TNRC6B: variants seen among roughly 807,000 people sequenced by gnomAD.
TNRC6B encodes the protein trinucleotide repeat-containing gene 6B protein.
In TNRC6B, 52 loss-of-function variants were observed where a neutral mutation model predicts 203.6. That is an observed-to-expected ratio of 0.26 (90% CI 0.20 to 0.32). TNRC6B has a LOEUF of 0.32. Ranked by LOEUF, TNRC6B falls within the 10% of genes least tolerant of loss-of-function variation. The pLI, the probability that TNRC6B is intolerant of heterozygous loss-of-function variation, is 1.00. For synonymous variants in TNRC6B, 838 were observed against 845.7 expected (o/e 0.99, Z 0.16); for missense variants, 1,923 against 2,286.2 (o/e 0.84, Z 3.24).
chr22:40,322,784 G>C, intron 22 of TNRC6B, 70 bp from the exon 23 acceptor site: 2 of 1,570,986 alleles, frequency 1.3e-6, no homozygotes, highest in Non-Finnish European at 1.7e-6. Flanking sequence ...GTCAAGGACT[G>C]CAGTCGCTCC....
chr22:40,080,689 C>A (rs60850936), intron 1 of TNRC6B, among the ~76,000 whole-genome samples: 6,693 of 152,184 alleles, frequency 0.044, 443 homozygotes, highest in African/African-American at 0.14. Flanking sequence ...CTTGCCTGCC[C>A]TCTTATCCTC....
Position 40,249,682 on chromosome 22 carries a change from G to A in TNRC6B, c.94-1497G>A, listed in dbSNP as rs555614789. ...TCCTGTATAACTGATCTTCAAAATG[G>A]CATTCTAAGAAATAGTTACAATGAT... is the stretch of plus-strand genomic sequence containing the variant. On this transcript the variant is annotated intron_variant, in intron 2 of 22. Transcript: ENST00000454349. Among the ~76,000 whole-genome samples the A allele has an allele frequency of 2.6e-5, 4 of 152,286 alleles. No individual in the cohort carries two copies. The South Asian group carries it at 8.3e-4, about 32-fold the overall frequency.
At chr22:40,105,036 A>T (rs1020745615) in intron 1 of TNRC6B, among the ~76,000 whole-genome samples, 1 of 152,196 alleles carries the variant, frequency 6.6e-6, no homozygotes, top group Non-Finnish European at 1.5e-5. Context: ...ATATGTCTAC[A>T]TGGTTTTCTA....
intron 1 of TNRC6B, among the ~76,000 whole-genome samples, chr22:40,187,971 G>C (rs1466693522): frequency 6.6e-6 from 1 of 152,176 alleles, no homozygotes; most frequent in Non-Finnish European, 1.5e-5. Flanking sequence ...TGTAGTCCCA[G>C]CACTTTGGGA....
chr22:40,136,113 T>G (rs1568994170), intron 3 of TNRC6B, among the ~76,000 whole-genome samples: 1 of 152,170 alleles, frequency 6.6e-6, no homozygotes, highest in Non-Finnish European at 1.5e-5. Context: ...CCTGATGTAA[T>G]CTTTCTTTAT....
chr22:40,118,870 C>G (rs1234538092), intron 2 of TNRC6B, among the ~76,000 whole-genome samples: 3 of 152,144 alleles, frequency 2.0e-5, no homozygotes, highest in Admixed American at 2.0e-4. Flanking sequence ...GGAAATAGTT[C>G]ATAAAAGCTG....
At chr22:40,170,847 A>G (rs1233212313) in intron 4 of TNRC6B, among the ~76,000 whole-genome samples, 10 of 96,888 alleles carry the variant, frequency 1.0e-4, no homozygotes, top group Non-Finnish European at 1.8e-4. Context: ...ATGTACATAT[A>G]TGTGTGTATA....
At chr22:40,214,454 A>T (rs1413938158) in intron 1 of TNRC6B, among the ~76,000 whole-genome samples, 1 of 151,976 alleles carries the variant, frequency 6.6e-6, no homozygotes, top group African/African-American at 2.4e-5. Flanking sequence ...CTTCGTTGGG[A>T]TATTATAGTT....
At chr22:40,200,568 G>A (rs1421092288) in intron 1 of TNRC6B, among the ~76,000 whole-genome samples, 1 of 151,916 alleles carries the variant, frequency 6.6e-6, no homozygotes, top group Non-Finnish European at 1.5e-5. Context: ...GATTACAGGC[G>A]TGAGCCACCG....
chr22:40,250,719 C>T (rs73165077), intron 2 of TNRC6B, among the ~76,000 whole-genome samples: 5 of 152,252 alleles, frequency 3.3e-5, no homozygotes, highest in South Asian at 4.1e-4. Context: ...ATCCTGCTTT[C>T]CGACCATGAC....
At chr22:40,050,949 C>T (rs542053431) in intron 1 of TNRC6B, among the ~76,000 whole-genome samples, 278 of 151,822 alleles carry the variant, frequency 1.8e-3, no homozygotes, top group African/African-American at 6.4e-3. Context: ...CTCAGCCTCT[C>T]GAGTAGCTAG....
In TNRC6B at chr22:40,245,535, A is replaced by G. The variant is rs576593175; in HGVS notation, c.6-480A>G. The stretch of plus-strand genomic sequence containing the variant: ...AGAGAAAAAATTTAGAATACAGAAC[A>G]TAGAGCTTTATGTTCACCACTCTGA... On this transcript the variant is annotated intron_variant, in intron 1 of 22. Transcript: ENST00000454349. 3.0e-4 allele frequency among the ~76,000 whole-genome samples: 46 copies of G among 152,258 alleles called. No homozygotes were observed. In the South Asian group the frequency reaches 9.5e-3, roughly 32 times the overall value.
Position 40,231,998 on chromosome 22 carries a change from T to C in TNRC6B, c.6-14017T>C, listed in dbSNP as rs529683191. Among the ~76,000 whole-genome samples the C allele has an allele frequency of 5.3e-5, 8 of 152,258 alleles. No individual in the cohort carries two copies. In the South Asian group the frequency reaches 1.7e-3, roughly 32 times the overall value. On this transcript the variant is annotated intron_variant, in intron 1 of 22. Coordinates refer to ENST00000454349, the MANE Select transcript of TNRC6B (RefSeq NM_001162501.2). ...CTACAGGGAATGGGATTCTGGAAAA[T>C]ATAGTTCCAGGCCATTTCCTGAAGT... is the stretch of plus-strand genomic sequence containing the variant.
chr22:40,254,525 C>G (rs1250987736), intron 3 of TNRC6B, among the ~76,000 whole-genome samples: 2 of 151,820 alleles, frequency 1.3e-5, no homozygotes, highest in Admixed American at 1.3e-4. Context: ...GTCTCAAAAA[C>G]AAAACAAAAA....
In TNRC6B at chr22:40,326,377, CAT is replaced by C. The variant is rs1011646942; in HGVS notation, c.*3138_*3139del. On this transcript the variant is annotated 3_prime_UTR_variant, in exon 23 of 23. Coordinates refer to ENST00000454349, the MANE Select transcript of TNRC6B (RefSeq NM_001162501.2). Reference sequence around the variant, plus strand: ...ACTGGGGATCACACATTTTAAAACACATAGAAATATTTTTTAAAAATTATCAA... The same window carrying C: ...ACTGGGGATCACACATTTTAAAACACAGAAATATTTTTTAAAAATTATCAA... 6.6e-6 allele frequency: 1 copy of C among 152,548 alleles called. No individual in the cohort carries two copies. The highest frequency in any genetic ancestry group is 2.4e-5 in the African/African-American group (1 of 41,440). The allele number at this position is 152,548 out of a possible 1,614,324, so 9.4% of individuals were successfully genotyped here.
At chr22:40,316,039 A>G (rs2146570448) in intron 21 of TNRC6B, 27 bp downstream of exon 21, 2 of 1,599,568 alleles carry the variant, frequency 1.3e-6, no homozygotes, top group Non-Finnish European at 1.7e-6. Flanking sequence ...GCAGTTTTCT[A>G]GATAGGACTT....
At chr22:40,262,420 C>T (rs1235190196) in intron 4 of TNRC6B, among the ~76,000 whole-genome samples, 2 of 152,096 alleles carry the variant, frequency 1.3e-5, no homozygotes, top group East Asian at 1.9e-4. Flanking sequence ...TTTTGGGGGC[C>T]TTTTTTCCTT....
intron 3 of TNRC6B, among the ~76,000 whole-genome samples, chr22:40,138,956 A>G (rs1346016798): frequency 6.6e-6 from 1 of 152,232 alleles, no homozygotes; most frequent in Non-Finnish European, 1.5e-5. Flanking sequence ...TATACTTTAC[A>G]TCCTATAAAA....
chr22:40,144,598 C>T (rs890164186), intron 3 of TNRC6B, among the ~76,000 whole-genome samples: 2 of 149,254 alleles, frequency 1.3e-5, no homozygotes, highest in African/African-American at 5.0e-5. Context: ...TGGCGTGAAC[C>T]GAGGAGGCAG....
Sources: gnomAD v4.1 joint callset for allele counts (sites outside exome capture counted in the v4.1 genomes callset) on GRCh38, gnomAD v4.1.1 for gene constraint, MANE v1.5 for transcripts, NCBI Gene and HGNC (gene_info 2026-07-23, HGNC 2026-07-21) for gene names.